The following FGF14 variants were observed in gnomAD, a reference collection of about 807,000 sequenced individuals.
FGF14 encodes fibroblast growth factor homologous factor 4.
Under a neutral mutation model 25.5 loss-of-function variants are expected in FGF14, and 5 were observed. The ratio of observed to expected loss-of-function variants is 0.20; its 90% CI spans 0.10 to 0.41. The LOEUF (loss-of-function observed/expected upper bound fraction) is 0.41. Ranked by LOEUF, FGF14 falls within the 10% of genes least tolerant of loss-of-function variation. The pLI is 1.00. For synonymous variants in FGF14, 138 were observed against 118.3 expected (o/e 1.17, Z -1.08); for missense variants, 222 against 320.1 (o/e 0.69, Z 2.34).
At chr13:102,195,192 C>A in intron 1 of FGF14, among the ~76,000 whole-genome samples, 1 of 152,018 alleles carries the variant, frequency 6.6e-6, no homozygotes, top group African/African-American at 2.4e-5. Flanking sequence ...CACCAGTAGA[C>A]GTAACAATAT....
intron 1 of FGF14, among the ~76,000 whole-genome samples, chr13:102,150,722 T>A (rs2047048222): frequency 6.6e-6 from 1 of 152,146 alleles, no homozygotes; most frequent in Non-Finnish European, 1.5e-5. Flanking sequence ...AGACCAGTGG[T>A]TCTCAAATGC....
At chr13:102,339,255 A>C (rs866631332) in intron 1 of FGF14, among the ~76,000 whole-genome samples, 1 of 151,988 alleles carries the variant, frequency 6.6e-6, no homozygotes, top group African/African-American at 2.4e-5. Context: ...TGTAAAAATT[A>C]AAAAAGATAG....
At chr13:102,028,390 C>T (rs544633838) in intron 1 of FGF14, among the ~76,000 whole-genome samples, 1 of 152,164 alleles carries the variant, frequency 6.6e-6, no homozygotes, top group East Asian at 1.9e-4. Context: ...AGTGAGAATG[C>T]ACCATCTGTG....
At chr13:102,163,482 G>A (rs926706425) in intron 1 of FGF14, among the ~76,000 whole-genome samples, 1 of 152,134 alleles carries the variant, frequency 6.6e-6, no homozygotes, top group African/African-American at 2.4e-5. Context: ...GCAAGTGGAA[G>A]GAAGGCCGTG....
At chr13:102,354,613 A>G (rs1211345451) in intron 1 of FGF14, among the ~76,000 whole-genome samples, 2 of 152,186 alleles carry the variant, frequency 1.3e-5, no homozygotes, top group Non-Finnish European at 2.9e-5. Flanking sequence ...TGAGGCCCAC[A>G]AAGAATTTCC....
intron 3 of FGF14, among the ~76,000 whole-genome samples, chr13:101,867,940 A>G (rs939748585): frequency 2.3e-4 from 34 of 146,928 alleles, no homozygotes; most frequent in South Asian, 1.1e-3. Context: ...ACACACGCGC[A>G]CACACACAAT....
At chr13:102,319,756 C>G (rs2056173097) in intron 1 of FGF14, among the ~76,000 whole-genome samples, 1 of 152,200 alleles carries the variant, frequency 6.6e-6, no homozygotes, top group Admixed American at 6.5e-5. Flanking sequence ...CTGATAGCCA[C>G]TGTGCATTTT....
At chr13:101,951,250 T>C (rs1055562401) in intron 1 of FGF14, among the ~76,000 whole-genome samples, 1 of 152,302 alleles carries the variant, frequency 6.6e-6, no homozygotes. Context: ...TCATATGATT[T>C]GATGCATGTT....
intron 4 of FGF14, among the ~76,000 whole-genome samples, chr13:101,725,310 C>T (rs1054806621): frequency 1.3e-4 from 20 of 151,952 alleles, no homozygotes; most frequent in Non-Finnish European, 2.2e-4. Flanking sequence ...AATCCTCTAA[C>T]TTCTTTCTAC....
intron 1 of FGF14, among the ~76,000 whole-genome samples, chr13:101,914,192 T>A (rs1456743627): frequency 6.6e-6 from 1 of 151,164 alleles, no homozygotes. Context: ...AAGACTTAAT[T>A]AAATGAATAA....
At chr13:102,195,820 A>G (rs2049324799) in intron 1 of FGF14, among the ~76,000 whole-genome samples, 1 of 151,940 alleles carries the variant, frequency 6.6e-6, no homozygotes, top group African/African-American at 2.4e-5. Flanking sequence ...CTCAAATCAA[A>G]ACAACAGTAA....
chr13:101,757,690 C>T (rs183697194), intron 3 of FGF14, among the ~76,000 whole-genome samples: 291 of 152,230 alleles, frequency 1.9e-3, no homozygotes, highest in Non-Finnish European at 3.4e-3. Flanking sequence ...ACTCAATTGC[C>T]TTGCCTTTGA....
chr13:101,916,585 A>G lies in FGF14; in HGVS notation c.61T>C (p.Trp21Arg). 1 of 1,603,094 alleles carries G rather than the reference A, an allele frequency of 6.2e-7. No individual in the cohort carries two copies. Reference sequence around the variant, plus strand: ...CTCCTGCTGGCAGACGGCCGGTCCCAGTGCTGCTCCCGCGCCTGCCGCTTC... The same window carrying G: ...CTCCTGCTGGCAGACGGCCGGTCCCGGTGCTGCTCCCGCGCCTGCCGCTTC... ...RQKRQAREQHWDRPSASRRRS... is the reference protein window; with the variant it reads ...RQKRQAREQHRDRPSASRRRS... The change falls in exon 1 of 5, where the codon TGG becomes CGG. Residue 21 changes from tryptophan to arginine, a missense_variant. Physicochemically the swap from Trp to Arg is moderately radical, Grantham distance 101 (BLOSUM62 -3). Coordinates refer to ENST00000376143, the MANE Select transcript of FGF14 (RefSeq NM_004115.4).
chr13:101,931,091 G>A (rs1448965804), intron 1 of FGF14, among the ~76,000 whole-genome samples: 1 of 152,030 alleles, frequency 6.6e-6, no homozygotes, highest in Non-Finnish European at 1.5e-5. Context: ...TCCATATGAT[G>A]GTCTTTAAAT....
At chr13:102,343,861 T>A (rs2057026506) in intron 1 of FGF14, among the ~76,000 whole-genome samples, 1 of 152,202 alleles carries the variant, frequency 6.6e-6, no homozygotes, top group African/African-American at 2.4e-5. Context: ...GCTGTTATGA[T>A]CATTCTAACC....
intron 1 of FGF14, among the ~76,000 whole-genome samples, chr13:102,077,939 G>A (rs1450145446): frequency 6.6e-6 from 1 of 152,144 alleles, no homozygotes; most frequent in African/African-American, 2.4e-5. Context: ...TATATACAAT[G>A]GAGTATTATT....
rs34770707 is a variant in FGF14 at position 102,379,413 on chromosome 13, T to TAC, written c.208+22056_208+22057dup. Among the ~76,000 whole-genome samples the TAC allele has an allele frequency of 7.3e-3, 1,088 of 149,952 alleles. 7 individuals are homozygous for TAC. The highest frequency in any genetic ancestry group is 0.011 in the Non-Finnish European group (748 of 67,386). ...CACTTAGGTAACATAGATATACACA[T>TAC]ACACACACACACACACATATTTATA... On this transcript the variant is annotated intron_variant, in intron 1 of 4. Transcript: ENST00000376131.
At chr13:102,047,483 G>A (rs988179812) in intron 1 of FGF14, among the ~76,000 whole-genome samples, 1 of 152,164 alleles carries the variant, frequency 6.6e-6, no homozygotes, top group Non-Finnish European at 1.5e-5. Context: ...TATACACCAT[G>A]GAATACTATG....
intron 1 of FGF14, among the ~76,000 whole-genome samples, chr13:101,902,981 G>T (rs1347775607): frequency 6.6e-6 from 1 of 152,160 alleles, no homozygotes; most frequent in African/African-American, 2.4e-5. Flanking sequence ...AAACTGGTTA[G>T]TATCCAGTGG....
Sources: allele counts gnomAD v4.1 joint callset (sites outside exome capture counted in the v4.1 genomes callset), GRCh38; gene constraint gnomAD v4.1.1; transcripts MANE v1.5; gene names NCBI Gene and HGNC (gene_info 2026-07-23, HGNC 2026-07-21).